Variants in SMG6 observed in about 807,000 individuals in gnomAD.
SMG6 encodes the protein SMG6 nonsense mediated mRNA decay factor.
Under a neutral mutation model 142.2 loss-of-function variants are expected in SMG6, and 66 were observed. The observed-to-expected ratio is 0.46, with a 90% CI of 0.38 to 0.57. The LOEUF (loss-of-function observed/expected upper bound fraction) is 0.57. Among genes scored for constraint, SMG6 ranks in the 20% least tolerant of loss-of-function variants. The pLI is 0.00. For missense variants in SMG6, 1,793 were observed against 1,832.0 expected (o/e 0.98, Z 0.39); for synonymous variants, 779 against 702.4 (o/e 1.11, Z -1.72).
intron 3 of SMG6, 54 bp downstream of exon 3, chr17:2,297,809 G>T: frequency 6.4e-7 from 1 of 1,555,524 alleles, no homozygotes; most frequent in Non-Finnish European, 8.7e-7. Flanking sequence ...AAAATCCATC[G>T]TAACTACAGA....
intron 15 of SMG6, among the ~76,000 whole-genome samples, chr17:2,070,233 G>A (rs539818629): frequency 4.8e-4 from 73 of 152,254 alleles, no homozygotes; most frequent in African/African-American, 1.7e-3. Flanking sequence ...ACCGGCTCTG[G>A]GTATGTCTGC....
chr17:2,241,597 C>T (rs1279399351), intron 9 of SMG6, among the ~76,000 whole-genome samples: 1 of 152,114 alleles, frequency 6.6e-6, no homozygotes, highest in South Asian at 2.1e-4. Context: ...GCCTATGTTG[C>T]CCAGGCTGGT....
At chr17:2,144,968 T>C (rs2070617002) in intron 13 of SMG6, among the ~76,000 whole-genome samples, 1 of 152,150 alleles carries the variant, frequency 6.6e-6, no homozygotes, top group South Asian at 2.1e-4. Flanking sequence ...ACAGAAATCA[T>C]CAGGGCAAGC....
intron 13 of SMG6, among the ~76,000 whole-genome samples, chr17:2,139,429 T>TTTTTC (rs1164059588): frequency 6.6e-6 from 1 of 150,672 alleles, no homozygotes; most frequent in African/African-American, 2.4e-5. Flanking sequence ...TTTTTTCTTT[T>TTTTTC]TTTTTTTTTT....
At chr17:2,183,996 A>G (rs1188783523) in intron 12 of SMG6, among the ~76,000 whole-genome samples, 4 of 152,208 alleles carry the variant, frequency 2.6e-5, no homozygotes, top group Non-Finnish European at 5.9e-5. Context: ...CAACACAGAC[A>G]TTCAGGAACA....
chr17:2,165,143 G>A (rs79642616), intron 13 of SMG6, among the ~76,000 whole-genome samples: 160 of 152,260 alleles, frequency 1.1e-3, no homozygotes, highest in African/African-American at 3.7e-3. Flanking sequence ...AGTACCATTC[G>A]CAATGCTTCA....
In SMG6 at chr17:2,128,805, C is replaced by T. The variant is rs528187887; in HGVS notation, c.3358-42904G>A. Among the ~76,000 whole-genome samples the T allele has an allele frequency of 1.4e-3, 136 of 99,450 alleles. 3 individuals are homozygous for T. The South Asian group carries it at 0.042, about 31-fold the overall frequency. The allele number at this position is 99,450 out of a possible 152,430, so 65.2% of individuals were successfully genotyped here. ...CGCCACGGCACTCTAGCCTGGGTGA[C>T]AGAGCAAGACTCAAAAAAAAAAAAA... On this transcript the variant is annotated intron_variant, in intron 13 of 18. Coordinates refer to ENST00000263073, the MANE Select transcript of SMG6 (RefSeq NM_017575.5).
intron 10 of SMG6, among the ~76,000 whole-genome samples, chr17:2,193,743 CAT>C (rs2072235257): frequency 6.6e-6 from 1 of 152,186 alleles, no homozygotes; most frequent in African/African-American, 2.4e-5. Context: ...TACTACATAT[CAT>C]AAGGAAGATG....
chr17:2,101,580 C>T (rs965014351), intron 13 of SMG6: 5 of 152,206 alleles, frequency 3.3e-5, no homozygotes, highest in African/African-American at 1.2e-4. Flanking sequence ...GGTTTACCAG[C>T]TCACCAGCGC....
chr17:2,192,374 A>G (rs1453417181), intron 10 of SMG6, among the ~76,000 whole-genome samples: 1 of 152,236 alleles, frequency 6.6e-6, no homozygotes, highest in Non-Finnish European at 1.5e-5. Context: ...TCCTGGCAAG[A>G]GCATAAGAAG....
At chr17:2,293,273 T>C (rs1009647983) in intron 4 of SMG6, among the ~76,000 whole-genome samples, 17 of 152,286 alleles carry the variant, frequency 1.1e-4, no homozygotes, top group African/African-American at 4.1e-4. Context: ...TTGATATTAG[T>C]AGTCAGGAGA....
At chr17:2,230,324 AAAAAAAAAAAAAGG>A (rs2073450990) in intron 10 of SMG6, among the ~76,000 whole-genome samples, 1 of 118,908 alleles carries the variant, frequency 8.4e-6, no homozygotes. Flanking sequence ...AAAAAAAAAA[AAAAAAAAAAAAAGG>A]GAAAACCACA....
At chr17:2,267,124 T>C (rs915709436) in intron 8 of SMG6, among the ~76,000 whole-genome samples, 4 of 152,174 alleles carry the variant, frequency 2.6e-5, no homozygotes, top group African/African-American at 9.7e-5. Flanking sequence ...CAAACTACTT[T>C]ACAAAAGCAT....
In SMG6 at chr17:2,079,819, A is replaced by C. The variant is rs551421794; in HGVS notation, c.3681+1991T>G. Among the ~76,000 whole-genome samples the C allele has an allele frequency of 5.3e-5, 8 of 152,090 alleles. No homozygotes were observed. The East Asian group carries it at 1.4e-3, about 26-fold the overall frequency. On this transcript the variant is annotated intron_variant, in intron 15 of 18. Transcript: ENST00000263073. ...GCTGGGCGCAGTGGCTCACGCCTGT[A>C]ATCCCAGCACTTTGGGAGGCCAAGG...
intron 8 of SMG6, among the ~76,000 whole-genome samples, chr17:2,249,923 G>A (rs6502135): frequency 0.056 from 8,560 of 152,228 alleles, 785 homozygotes; most frequent in African/African-American, 0.19. Flanking sequence ...AATAAAGTCC[G>A]TCCTGTCATT....
intron 9 of SMG6, among the ~76,000 whole-genome samples, chr17:2,241,942 G>A (rs780825973): frequency 2.0e-5 from 3 of 152,176 alleles, no homozygotes; most frequent in Non-Finnish European, 4.4e-5. Context: ...TGTCTCCCAG[G>A]GAACACGTGG....
intron 13 of SMG6, among the ~76,000 whole-genome samples, chr17:2,142,864 G>A (rs1194109578): frequency 6.8e-6 from 1 of 146,932 alleles, no homozygotes; most frequent in Admixed American, 6.8e-5. Context: ...CTCCAGCCTG[G>A]GCAACAAGAG....
intron 8 of SMG6, among the ~76,000 whole-genome samples, chr17:2,263,000 G>T (rs1184362984): frequency 6.6e-6 from 1 of 152,030 alleles, no homozygotes; most frequent in Non-Finnish European, 1.5e-5. Context: ...ACATACAAAG[G>T]TATATACTAT....
rs1253889552 is a variant in SMG6 at position 2,243,165 on chromosome 17, T to C, written c.2723+1493A>G. ...AGATAGAGATTCATCTACTGGTACC[T>C]TGTCCAATTTTCCCAAGTCATTTTG... On this transcript the variant is annotated intron_variant, in intron 9 of 18. Coordinates refer to ENST00000263073, the MANE Select transcript of SMG6 (RefSeq NM_017575.5). Among the ~76,000 whole-genome samples, 3 of 152,198 alleles carry C rather than the reference T, an allele frequency of 2.0e-5. No homozygotes were observed. The East Asian group carries it at 5.8e-4, about 29-fold the overall frequency.
Sources: allele counts gnomAD v4.1 joint callset (sites outside exome capture counted in the v4.1 genomes callset), GRCh38; gene constraint gnomAD v4.1.1; transcripts MANE v1.5; gene names NCBI Gene and HGNC (gene_info 2026-07-23, HGNC 2026-07-21).